Variants in PCGF5 observed in about 807,000 individuals in gnomAD.
PCGF5 encodes the protein polycomb group RING finger protein 5.
Under a neutral mutation model 44.3 loss-of-function variants are expected in PCGF5, and 9 were observed. The observed-to-expected ratio is 0.20, with a 90% CI of 0.12 to 0.35. The LOEUF is 0.35. Ranked by LOEUF, PCGF5 falls within the 10% of genes least tolerant of loss-of-function variation. The pLI is 1.00. For synonymous variants in PCGF5, 95 were observed against 102.5 expected (o/e 0.93, Z 0.44); for missense variants, 146 against 305.3 (o/e 0.48, Z 3.89).
intron 1 of PCGF5, among the ~76,000 whole-genome samples, chr10:91,173,657 C>T (rs758617840): frequency 1.3e-4 from 19 of 145,382 alleles, no homozygotes; most frequent in African/African-American, 2.1e-4. Context: ...CCAAAATATG[C>T]GCTTTTTTCA....
intron 5 of PCGF5, among the ~76,000 whole-genome samples, chr10:91,250,683 G>C (rs1460090253): frequency 6.6e-6 from 1 of 151,474 alleles, no homozygotes; most frequent in Non-Finnish European, 1.5e-5. Context: ...CTACAGGTTT[G>C]TAATAGGTGA....
At chr10:91,274,433 G>A (rs1040748515) in intron 9 of PCGF5, among the ~76,000 whole-genome samples, 3 of 152,162 alleles carry the variant, frequency 2.0e-5, no homozygotes, top group Admixed American at 6.5e-5. Context: ...ACCCTAGTAT[G>A]TATGAGTCTG....
At chr10:91,218,227 C>T (rs574747400), upstream of PCGF5, among the ~76,000 whole-genome samples, 1 of 152,200 alleles carries the variant, frequency 6.6e-6, no homozygotes, top group Non-Finnish European at 1.5e-5. Flanking sequence ...GAATTCACCA[C>T]GTCTCAGGAT....
upstream of PCGF5, among the ~76,000 whole-genome samples, chr10:91,160,844 C>T (rs927627340): frequency 6.6e-6 from 1 of 152,190 alleles, no homozygotes; most frequent in Non-Finnish European, 1.5e-5. Flanking sequence ...TGCTGCACTG[C>T]GGAATCCGGC....
chr10:91,226,354 A>G (rs1341479942), intron 2 of PCGF5, among the ~76,000 whole-genome samples: 1 of 151,882 alleles, frequency 6.6e-6, no homozygotes, highest in Non-Finnish European at 1.5e-5. Context: ...CTATGATATA[A>G]TAGCAGATGT....
chr10:91,249,334 G>A (rs1047291168), intron 5 of PCGF5, among the ~76,000 whole-genome samples: 1 of 144,172 alleles, frequency 6.9e-6, no homozygotes, highest in Non-Finnish European at 1.5e-5. Flanking sequence ...TTTCAGCAAA[G>A]GGGCAAACAT....
intron 3 of PCGF5, among the ~76,000 whole-genome samples, chr10:91,244,918 G>A (rs777064550): frequency 6.8e-6 from 1 of 146,402 alleles, no homozygotes; most frequent in Non-Finnish European, 1.5e-5. Flanking sequence ...TCATTTCAGA[G>A]AAGAGAGGAA....
chr10:91,278,332 C>A lies in PCGF5; in HGVS notation c.*16C>A. 6.2e-7 allele frequency: 1 copy of A among 1,603,822 alleles called. No homozygotes were observed. Among genetic ancestry groups the A allele is most frequent in the Non-Finnish European group, 8.5e-7 (1 of 1,170,672 alleles). ...TTTCGGTTAGACCAAGGGGCCCAGA[C>A]CTCACTGAGATGAATCCTGCACTAT... is the stretch of plus-strand genomic sequence containing the variant. On this transcript the variant is annotated 3_prime_UTR_variant, in exon 10 of 10. Coordinates refer to ENST00000336126, the MANE Select transcript of PCGF5 (RefSeq NM_032373.5).
intron 1 of PCGF5, among the ~76,000 whole-genome samples, chr10:91,195,449 TATGCATATATATATATGC>T (rs1185772238): frequency 7.7e-6 from 1 of 129,114 alleles, no homozygotes; most frequent in Non-Finnish European, 1.5e-5. Flanking sequence ...TATGTATATA[TATGCATATATATATATGC>T]ATGCATATAT....
At position 91,239,666 on chromosome 10, in the gene PCGF5, G is replaced by A. The variant is rs140260432; in HGVS notation, c.113-818G>A. ...TTATAGTTCAGGTACTGTAAATATT[G>A]TCTAAGGTTTTGGGGCAAAACATTG... On this transcript the variant is annotated intron_variant, in intron 2 of 9. Coordinates refer to ENST00000336126, the MANE Select transcript of PCGF5 (RefSeq NM_032373.5). Among the ~76,000 whole-genome samples, 149 of 152,246 alleles carry A rather than the reference G, an allele frequency of 9.8e-4. 2 individuals are homozygous for A. In the South Asian group the frequency reaches 0.016, roughly 16 times the overall value.
At chr10:91,195,357 C>T (rs1021489064) in intron 1 of PCGF5, among the ~76,000 whole-genome samples, 10 of 151,566 alleles carry the variant, frequency 6.6e-5, no homozygotes, top group African/African-American at 2.2e-4. Context: ...TATTGTTATC[C>T]TTTCTATCCA....
chr10:91,242,477 G>A (rs1845354404), intron 3 of PCGF5, among the ~76,000 whole-genome samples: 1 of 151,696 alleles, frequency 6.6e-6, no homozygotes, highest in Non-Finnish European at 1.5e-5. Flanking sequence ...GTTCTTAAAG[G>A]GCCACATCAT....
chr10:91,185,132 A>G (rs1259008441), intron 1 of PCGF5, among the ~76,000 whole-genome samples: 2 of 152,334 alleles, frequency 1.3e-5, no homozygotes, highest in East Asian at 3.9e-4. Flanking sequence ...CAGACAGCAA[A>G]GATGGTGGCC....
chr10:91,249,371 GTATATATATATATATATATATATATA>G (rs3074316), intron 5 of PCGF5, among the ~76,000 whole-genome samples: 25 of 120,530 alleles, frequency 2.1e-4, no homozygotes, highest in African/African-American at 4.7e-4. Flanking sequence ...GGCTTTTAGT[GTATATATATATATATATATATATATA>G]TATATATATA....
chr10:91,276,564 A>C (rs1846318208), intron 9 of PCGF5, among the ~76,000 whole-genome samples: 1 of 152,218 alleles, frequency 6.6e-6, no homozygotes, highest in Non-Finnish European at 1.5e-5. Context: ...AAAATTATTA[A>C]ACTTCATATG....
At chr10:91,256,607 G>A (rs1845758407) in intron 6 of PCGF5, among the ~76,000 whole-genome samples, 1 of 151,964 alleles carries the variant, frequency 6.6e-6, no homozygotes, top group Admixed American at 6.6e-5. Context: ...CAATCTTCAG[G>A]TATGATAAAT....
At chr10:91,268,044 T>A (rs1846087249) in intron 8 of PCGF5, among the ~76,000 whole-genome samples, 1 of 152,188 alleles carries the variant, frequency 6.6e-6, no homozygotes, top group Non-Finnish European at 1.5e-5. Context: ...TATTGAATAA[T>A]CCATATTTAA....
At chr10:91,159,185 A>G (rs1438164636), upstream of PCGF5, among the ~76,000 whole-genome samples, 2 of 152,252 alleles carry the variant, frequency 1.3e-5, no homozygotes, top group African/African-American at 4.8e-5. Context: ...AATTAGGGCC[A>G]CAAAAACTTG....
At chr10:91,165,830 T>A (rs1843490466) in intron 1 of PCGF5, among the ~76,000 whole-genome samples, 1 of 152,202 alleles carries the variant, frequency 6.6e-6, no homozygotes, top group South Asian at 2.1e-4. Context: ...GAGGATAAAC[T>A]TTGATAAAGT....
Sources: allele counts gnomAD v4.1 joint callset (sites outside exome capture counted in the v4.1 genomes callset), GRCh38; gene constraint gnomAD v4.1.1; transcripts MANE v1.5; gene names NCBI Gene and HGNC (gene_info 2026-07-23, HGNC 2026-07-21).